RIMS2: variants seen among roughly 807,000 people sequenced by gnomAD.
RIMS2 encodes regulating synaptic membrane exocytosis protein 2.
In RIMS2, 59 loss-of-function variants were observed where a neutral mutation model predicts 174.4. The ratio of observed to expected loss-of-function variants is 0.34; its 90% CI spans 0.27 to 0.42. RIMS2 has a LOEUF of 0.42. RIMS2 is among the 10% of genes least tolerant of loss of function. The probability of loss-of-function intolerance (pLI) is 1.00; values close to 1 mark genes in which losing one functional copy is unlikely to be tolerated. For missense variants in RIMS2, 1,620 were observed against 1,666.3 expected (o/e 0.97, Z 0.48); for synonymous variants, 606 against 572.5 (o/e 1.06, Z -0.84).
rs115078356 is a variant in RIMS2, at chr8:103,961,786, T to C, written c.2770+653T>C. On this transcript the variant is annotated intron_variant, in intron 15 of 23. Coordinates refer to ENST00000504942, the Ensembl canonical transcript of RIMS2. ...TTCATAATTATGACTAATTTTACTC[T>C]AAACAAAATGTATGCAAGGCATGCC... Among the ~76,000 whole-genome samples the C allele has an allele frequency of 3.3e-3, 510 of 152,286 alleles. 2 individuals carry two copies. Among genetic ancestry groups the C allele is most frequent in the African/African-American group, 0.012 (484 of 41,578 alleles).
chr8:103,701,481 T>C (rs938760973), intron 2 of RIMS2, among the ~76,000 whole-genome samples: 16 of 152,124 alleles, frequency 1.1e-4, no homozygotes, highest in African/African-American at 3.9e-4. Context: ...GAATTACTGA[T>C]AACCATAGTC....
chr8:104,041,302 G>C, intron 19 of RIMS2, 24 bp from the exon 22 acceptor site: 3 of 688,172 alleles, frequency 4.4e-6, no homozygotes, highest in Non-Finnish European at 8.0e-6. Context: ...GTCTATGTCT[G>C]TCCATTACAC....
chr8:104,000,807 T>G (rs2095352217), intron 17 of RIMS2, among the ~76,000 whole-genome samples: 1 of 151,874 alleles, frequency 6.6e-6, no homozygotes, highest in African/African-American at 2.4e-5. Flanking sequence ...TCTCTGATAA[T>G]TAGTGATGTT....
At chr8:103,661,018 A>G (rs898977177) in intron 1 of RIMS2, among the ~76,000 whole-genome samples, 4 of 152,198 alleles carry the variant, frequency 2.6e-5, no homozygotes, top group Non-Finnish European at 5.9e-5. Flanking sequence ...AGGGAGAACT[A>G]TTTCCCATCT....
intron 14 of RIMS2, among the ~76,000 whole-genome samples, chr8:103,953,434 G>A (rs932158243): frequency 3.3e-5 from 5 of 152,136 alleles, no homozygotes; most frequent in African/African-American, 4.8e-5. Context: ...AGAAGAGAGT[G>A]GGGGCCAATA....
chr8:104,177,862 T>G (rs559072044), intron 19 of RIMS2, among the ~76,000 whole-genome samples: 1 of 152,232 alleles, frequency 6.6e-6, no homozygotes, highest in Non-Finnish European at 1.5e-5. Flanking sequence ...CCATAACAGA[T>G]AGAGGAAAAG....
chr8:103,612,635 A>G (rs946605265), intron 1 of RIMS2, among the ~76,000 whole-genome samples: 5 of 152,020 alleles, frequency 3.3e-5, no homozygotes, highest in Admixed American at 6.5e-5. Context: ...CTGGAGTGCA[A>G]TGGTGCCATC....
At chr8:104,169,321 T>TAA (rs1563509189) in intron 19 of RIMS2, among the ~76,000 whole-genome samples, 1 of 59,952 alleles carries the variant, frequency 1.7e-5, no homozygotes, top group Non-Finnish European at 3.1e-5. Flanking sequence ...TATATATATA[T>TAA]ATATATATAT....
At chr8:104,239,358 T>C (rs1349498540) in intron 19 of RIMS2, among the ~76,000 whole-genome samples, 1 of 152,166 alleles carries the variant, frequency 6.6e-6, no homozygotes, top group Non-Finnish European at 1.5e-5. Context: ...CTTCTGCCTG[T>C]GATGTTTTGC....
chr8:103,599,646 T>C (rs1383031985), intron 1 of RIMS2, among the ~76,000 whole-genome samples: 1 of 151,788 alleles, frequency 6.6e-6, no homozygotes, highest in Non-Finnish European at 1.5e-5. Context: ...AGACGAGACC[T>C]CACTATACTA....
intron 19 of RIMS2, among the ~76,000 whole-genome samples, chr8:104,106,364 G>T (rs933934972): frequency 1.3e-5 from 2 of 152,014 alleles, no homozygotes; most frequent in African/African-American, 4.8e-5. Flanking sequence ...AGAGATGCCT[G>T]CACAGATTAA....
At chr8:103,503,430 A>T (rs1362696248) in intron 1 of RIMS2, among the ~76,000 whole-genome samples, 3 of 152,104 alleles carry the variant, frequency 2.0e-5, no homozygotes, top group African/African-American at 7.2e-5. Flanking sequence ...TGGGTATTAA[A>T]TTACAAATAC....
At chr8:103,641,604 G>T (rs1240680210) in intron 1 of RIMS2, among the ~76,000 whole-genome samples, 1 of 152,032 alleles carries the variant, frequency 6.6e-6, no homozygotes, top group Non-Finnish European at 1.5e-5. Flanking sequence ...GTATGGTAGT[G>T]TTGGGAAGTA....
In RIMS2 at chr8:104,126,952, A is replaced by G. The variant is rs1265228312; in HGVS notation, c.3334+112337A>G. Reference sequence around the variant, plus strand: ...ATGGCAAGTTTTCAAGCTAGTTTTCATCAGTGCTACCCTAAGGCTAGTGCC... The same window carrying G: ...ATGGCAAGTTTTCAAGCTAGTTTTCGTCAGTGCTACCCTAAGGCTAGTGCC... On this transcript the variant is annotated intron_variant, in intron 19 of 23. Coordinates refer to ENST00000504942, the Ensembl canonical transcript of RIMS2. Among the ~76,000 whole-genome samples the G allele has an allele frequency of 2.0e-5, 3 of 152,176 alleles. 1 individual carries two copies. The highest frequency in any genetic ancestry group is 4.8e-5 in the African/African-American group (2 of 41,456).
chr8:104,247,137 A>G (rs985375772), intron 20 of RIMS2, among the ~76,000 whole-genome samples: 1 of 152,200 alleles, frequency 6.6e-6, no homozygotes, highest in African/African-American at 2.4e-5. Flanking sequence ...GTATTTTGAC[A>G]GTAGAGCAAG....
At chr8:103,813,471 T>TATAC (rs1250159072) in intron 3 of RIMS2, among the ~76,000 whole-genome samples, 3 of 149,878 alleles carry the variant, frequency 2.0e-5, no homozygotes, top group African/African-American at 7.4e-5. Flanking sequence ...GTTACACATG[T>TATAC]ATACATGTGC....
chr8:103,865,909 G>A (rs2099082364), intron 3 of RIMS2, among the ~76,000 whole-genome samples: 1 of 151,976 alleles, frequency 6.6e-6, no homozygotes, highest in Admixed American at 6.6e-5. Context: ...TTGTGATAAT[G>A]CAATTGGATT....
intron 19 of RIMS2, among the ~76,000 whole-genome samples, chr8:104,123,013 G>A (rs2098396890): frequency 6.6e-6 from 1 of 152,012 alleles, no homozygotes. Context: ...AGTTTTCAAT[G>A]TGCTGAAGTC....
At chr8:103,663,812 G>A (rs1046861267) in intron 1 of RIMS2, among the ~76,000 whole-genome samples, 3 of 152,154 alleles carry the variant, frequency 2.0e-5, no homozygotes, top group South Asian at 2.1e-4. Flanking sequence ...CCAAAAAAGA[G>A]CCCGCATAGC....
Sources: gnomAD v4.1 joint callset for allele counts (sites outside exome capture counted in the v4.1 genomes callset) on GRCh38, gnomAD v4.1.1 for gene constraint, MANE v1.5 for transcripts, NCBI Gene and HGNC (gene_info 2026-07-23, HGNC 2026-07-21) for gene names.